The following PDE7A variants were observed in gnomAD, a reference collection of about 807,000 sequenced individuals.
PDE7A encodes the protein phosphodiesterase 7A.
In PDE7A, 39 loss-of-function variants were observed where a neutral mutation model predicts 64.3. The observed-to-expected ratio is 0.61, with a 90% CI of 0.47 to 0.79. PDE7A has a LOEUF of 0.79. PDE7A is among the 30% of genes least tolerant of loss of function. The pLI is 0.00. For missense variants in PDE7A, 470 were observed against 582.8 expected (o/e 0.81, Z 1.99); for synonymous variants, 203 against 206.8 (o/e 0.98, Z 0.16).
intron 2 of PDE7A, among the ~76,000 whole-genome samples, chr8:65,782,315 C>T (rs926965798): frequency 6.6e-6 from 1 of 152,020 alleles, no homozygotes; most frequent in African/African-American, 2.4e-5. Flanking sequence ...TTTTACCTTG[C>T]GGAATTGACT....
chr8:65,778,774 C>T (rs760935339), intron 3 of PDE7A, among the ~76,000 whole-genome samples: 3 of 152,162 alleles, frequency 2.0e-5, no homozygotes, highest in African/African-American at 4.8e-5. Context: ...ACATCTCTGT[C>T]CTGCAGGTGG....
chr8:65,754,397 T>C (rs978780778), intron 3 of PDE7A, among the ~76,000 whole-genome samples: 2 of 151,936 alleles, frequency 1.3e-5, no homozygotes, highest in African/African-American at 4.8e-5. Flanking sequence ...AACCATCATA[T>C]ACCTCCTTTC....
chr8:65,816,204 T>C (rs1237099820), intron 1 of PDE7A, among the ~76,000 whole-genome samples: 2 of 152,156 alleles, frequency 1.3e-5, no homozygotes, highest in Non-Finnish European at 2.9e-5. Flanking sequence ...GTTCTCAGAA[T>C]AATAAAAGTG....
At chr8:65,811,101 T>C (rs1444251392) in intron 1 of PDE7A, among the ~76,000 whole-genome samples, 1 of 151,954 alleles carries the variant, frequency 6.6e-6, no homozygotes, top group Non-Finnish European at 1.5e-5. Flanking sequence ...AATAGGAACA[T>C]TCAGTGCTAG....
At chr8:65,797,712 T>C (rs909533132) in intron 1 of PDE7A, among the ~76,000 whole-genome samples, 4 of 152,152 alleles carry the variant, frequency 2.6e-5, no homozygotes, top group African/African-American at 9.7e-5. Flanking sequence ...TTTTAGAAAT[T>C]TGATGCCCAA....
intron 3 of PDE7A, among the ~76,000 whole-genome samples, chr8:65,770,345 G>C (rs757507365): frequency 5.9e-5 from 9 of 152,204 alleles, no homozygotes; most frequent in Non-Finnish European, 8.8e-5. Context: ...CTCATAATCA[G>C]GGCAGAAGGC....
chr8:65,782,985 A>C, intron 1 of PDE7A, 142 bp from the exon 2 acceptor site: 1 of 599,926 alleles, frequency 1.7e-6, no homozygotes, highest in Non-Finnish European at 3.0e-6. Context: ...TAGCTATGGT[A>C]CCTGTTCTTG....
intron 1 of PDE7A, chr8:65,788,734 G>A (rs1261893735): frequency 5.8e-6 from 3 of 513,816 alleles, no homozygotes; most frequent in Non-Finnish European, 1.0e-5. Context: ...GTAAATTTAA[G>A]CCCTTTGGTC....
intron 1 of PDE7A, among the ~76,000 whole-genome samples, chr8:65,830,647 G>A (rs1810794847): frequency 6.6e-6 from 1 of 152,054 alleles, no homozygotes; most frequent in Admixed American, 6.5e-5. Flanking sequence ...ATTAACATAT[G>A]TTGTTTTGAT....
chr8:65,752,019 C>T (rs1807993791), intron 3 of PDE7A, among the ~76,000 whole-genome samples: 1 of 152,172 alleles, frequency 6.6e-6, no homozygotes, highest in African/African-American at 2.4e-5. Context: ...TACTGAAGGG[C>T]ACTGCTACAG....
At position 65,719,421 on chromosome 8, in the gene PDE7A, T is replaced by C. The variant is rs1385236263; in HGVS notation, c.1318A>G (p.Met440Val). The C allele has an allele frequency of 6.2e-7, 1 of 1,614,022 alleles. No homozygotes were observed. The part of the protein sequence containing the change: ...RFSNTRLSQT[M>V]LGHVGLNKAS... ...TTATTCAGCCCCACGTGTCCAAGCA[T>C]TGTCTGGGATAGCCTTGTATTGGAA... The change falls in exon 13 of 13, where the codon ATG (methionine) becomes GTG (valine). Residue 440 changes from methionine to valine, a missense_variant. Met to Val is a conservative substitution (Grantham distance 21). Coordinates refer to ENST00000401827, the MANE Select transcript of PDE7A (RefSeq NM_001242318.3).
intron 3 of PDE7A, among the ~76,000 whole-genome samples, chr8:65,764,707 A>G (rs1168887278): frequency 2.0e-5 from 3 of 152,202 alleles, no homozygotes; most frequent in Non-Finnish European, 4.4e-5. Context: ...TTTAAGAAAC[A>G]TCTTCTTTCA....
chr8:65,834,826 ATCATTGGCACAGTCCCT>A (rs1270802660), intron 1 of PDE7A, among the ~76,000 whole-genome samples: 1 of 152,190 alleles, frequency 6.6e-6, no homozygotes, highest in Non-Finnish European at 1.5e-5. Context: ...CAACCATACA[ATCATTGGCACAGTCCCT>A]TCCCTTATAA....
At chr8:65,739,386 T>C (rs1302888584) in intron 6 of PDE7A, 116 bp downstream of exon 6, 1 of 1,176,922 alleles carries the variant, frequency 8.5e-7, no homozygotes, top group East Asian at 3.3e-5. Context: ...TTTAAGCCAC[T>C]AATTTTGGCT....
chr8:65,760,950 G>C (rs557650213), intron 3 of PDE7A, among the ~76,000 whole-genome samples: 1 of 152,280 alleles, frequency 6.6e-6, no homozygotes, highest in South Asian at 2.1e-4. Flanking sequence ...TGAGGAACTG[G>C]GAACAAGAGT....
chr8:65,767,414 T>C (rs1183550351), intron 3 of PDE7A, among the ~76,000 whole-genome samples: 1 of 152,240 alleles, frequency 6.6e-6, no homozygotes, highest in East Asian at 1.9e-4. Flanking sequence ...ATGATGTATA[T>C]ATTGGTTTTC....
chr8:65,815,312 T>C (rs144355232), intron 1 of PDE7A, among the ~76,000 whole-genome samples: 55 of 152,270 alleles, frequency 3.6e-4, no homozygotes, highest in African/African-American at 1.2e-3. Context: ...ACCATTTAAA[T>C]AACATTCTAA....
intron 3 of PDE7A, among the ~76,000 whole-genome samples, chr8:65,753,049 T>TG (rs903025542): frequency 3.3e-5 from 5 of 152,226 alleles, no homozygotes; most frequent in African/African-American, 1.2e-4. Context: ...TTGTGCTTTA[T>TG]GGTAAAGCTA....
At chr8:65,755,303 G>A (rs1481967218) in intron 3 of PDE7A, among the ~76,000 whole-genome samples, 3 of 152,262 alleles carry the variant, frequency 2.0e-5, no homozygotes, top group South Asian at 4.2e-4. Flanking sequence ...TTACAGGCAT[G>A]AGCCATCATG....
Sources: gnomAD v4.1 joint callset for allele counts (sites outside exome capture counted in the v4.1 genomes callset) on GRCh38, gnomAD v4.1.1 for gene constraint, MANE v1.5 for transcripts, NCBI Gene and HGNC (gene_info 2026-07-23, HGNC 2026-07-21) for gene names.